Variants in KCND2 observed in about 807,000 individuals in gnomAD.
KCND2 encodes the protein A-type voltage-gated potassium channel KCND2.
Under a neutral mutation model 54.4 loss-of-function variants are expected in KCND2, and 16 were observed. The ratio of observed to expected loss-of-function variants is 0.29; its 90% CI spans 0.20 to 0.45. KCND2 has a LOEUF of 0.45. Among genes scored for constraint, KCND2 ranks in the 20% least tolerant of loss-of-function variants. The probability of loss-of-function intolerance (pLI) is 1.00; values close to 1 mark genes in which losing one functional copy is unlikely to be tolerated. For missense variants in KCND2, 486 were observed against 824.2 expected, an observed-to-expected ratio of 0.59 and a Z score of 5.02; for synonymous variants, 317 against 310.7, an observed-to-expected ratio of 1.02 and a Z score of -0.21.
chr7:120,313,968 A>G (rs1188507762), intron 1 of KCND2, among the ~76,000 whole-genome samples: 2 of 152,030 alleles, frequency 1.3e-5, no homozygotes, highest in East Asian at 1.9e-4. Flanking sequence ...AAAAAAAGCC[A>G]ACATCATCTG....
At position 120,275,547 on chromosome 7, in the gene KCND2, C is replaced by T. The variant is rs373648123; in HGVS notation, c.915C>T (p.Arg305=). 1 of 1,613,056 alleles carries T rather than the reference C, an allele frequency of 6.2e-7. No homozygotes were observed. Among genetic ancestry groups the T allele is most frequent in the Non-Finnish European group, 8.5e-7 (1 of 1,179,328 alleles). ...FRVFRIFKFS[R]HSQGLRILGY... is the part of the protein sequence containing the mutation. ...TCTTCAGGATCTTTAAGTTTTCCCG[C>T]CACTCTCAAGGCCTGCGCATCCTGG... Residue 305 remains arginine, a synonymous_variant, in exon 1 of 6, where the codon CGC becomes CGT. Transcript: ENST00000331113.
Position 120,391,312 on chromosome 7 carries a change from A to G in KCND2, c.1115+115565A>G, listed in dbSNP as rs191446408. On this transcript the variant is annotated intron_variant, in intron 1 of 5. Coordinates refer to ENST00000331113, the MANE Select transcript of KCND2 (RefSeq NM_012281.3). ...GTGCCACACTTGCTTTATCCAGTCT[A>G]TCATTGATGGGAATTTGGGTTGGTT... 1.9e-4 allele frequency among the ~76,000 whole-genome samples: 29 copies of G among 152,224 alleles called. No homozygotes were observed. In the South Asian group the frequency reaches 2.5e-3, roughly 13 times the overall value.
intron 1 of KCND2, among the ~76,000 whole-genome samples, chr7:120,572,658 C>T (rs1430828150): frequency 6.6e-6 from 1 of 152,124 alleles, no homozygotes; most frequent in African/African-American, 2.4e-5. Context: ...GCTGGAATTA[C>T]AGGTGTGAGC....
chr7:120,281,360 G>A (rs1489406214), intron 1 of KCND2, among the ~76,000 whole-genome samples: 1 of 149,788 alleles, frequency 6.7e-6, no homozygotes, highest in Non-Finnish European at 1.5e-5. Context: ...ACATATGTAT[G>A]TATAAGCATT....
chr7:120,310,859 C>T (rs1325049385), intron 1 of KCND2, among the ~76,000 whole-genome samples: 1 of 150,252 alleles, frequency 6.7e-6, no homozygotes, highest in Non-Finnish European at 1.5e-5. Flanking sequence ...TCACTTGTAC[C>T]TGGGAGTTGG....
At chr7:120,469,678 T>TGGACTG (rs1802425867) in intron 1 of KCND2, among the ~76,000 whole-genome samples, 1 of 152,144 alleles carries the variant, frequency 6.6e-6, no homozygotes, top group Admixed American at 6.6e-5. Flanking sequence ...TTAGCAGCCC[T>TGGACTG]GGACTGTGAC....
Position 120,283,918 on chromosome 7 carries a change from C to T in KCND2, c.1115+8171C>T, listed in dbSNP as rs73722547. On this transcript the variant is annotated intron_variant, in intron 1 of 5. Coordinates refer to ENST00000331113, the MANE Select transcript of KCND2 (RefSeq NM_012281.3). Reference sequence around the variant, plus strand: ...TTGCCATAGGATATGTATTTTTCAACACAAATTAAATTGAGACCATGTTTA... The same window carrying T: ...TTGCCATAGGATATGTATTTTTCAATACAAATTAAATTGAGACCATGTTTA... Among the ~76,000 whole-genome samples, 681 of 152,106 alleles carry T rather than the reference C, an allele frequency of 4.5e-3. 7 individuals are homozygous for T. Among genetic ancestry groups the T allele is most frequent in the African/African-American group, 0.016 (646 of 41,494 alleles).
chr7:120,646,643 A>G (rs889873147), intron 1 of KCND2, among the ~76,000 whole-genome samples: 2 of 152,252 alleles, frequency 1.3e-5, no homozygotes, highest in Admixed American at 1.3e-4. Flanking sequence ...AAGGGGAAGA[A>G]AGAAAAATGA....
At chr7:120,507,218 A>G (rs1318420424) in intron 1 of KCND2, among the ~76,000 whole-genome samples, 1 of 151,608 alleles carries the variant, frequency 6.6e-6, no homozygotes, top group East Asian at 1.9e-4. Context: ...TCAAAAGGAT[A>G]GCAGGATGGA....
chr7:120,717,250 C>A (rs537636945), intron 1 of KCND2, among the ~76,000 whole-genome samples: 8 of 151,976 alleles, frequency 5.3e-5, no homozygotes, highest in Admixed American at 1.3e-4. Context: ...GAAACCATGA[C>A]GATGTCAATG....
At chr7:120,450,574 T>C (rs1802087699) in intron 1 of KCND2, among the ~76,000 whole-genome samples, 1 of 152,124 alleles carries the variant, frequency 6.6e-6, no homozygotes. Context: ...GGAAAGACAC[T>C]AAACAACTAT....
chr7:120,731,453 AGGCCAGATGGCCAGTGT>A (rs1485517194), intron 1 of KCND2, among the ~76,000 whole-genome samples: 1 of 152,176 alleles, frequency 6.6e-6, no homozygotes, highest in Non-Finnish European at 1.5e-5. Flanking sequence ...ACAAAACAGA[AGGCCAGATGGCCAGTGT>A]GGCCAGAGGC....
intron 5 of KCND2, among the ~76,000 whole-genome samples, chr7:120,746,298 C>T (rs192337280): frequency 6.6e-6 from 1 of 152,262 alleles, no homozygotes; most frequent in South Asian, 2.1e-4. Context: ...TGTTCCACAA[C>T]CTTTTCTTAT....
At chr7:120,598,079 A>T (rs912168334) in intron 1 of KCND2, among the ~76,000 whole-genome samples, 2 of 144,834 alleles carry the variant, frequency 1.4e-5, no homozygotes, top group Non-Finnish European at 3.0e-5. Context: ...CAAAAAAACT[A>T]AAAAAAAAAA....
chr7:120,401,119 T>C (rs1422006803), intron 1 of KCND2, among the ~76,000 whole-genome samples: 4 of 152,058 alleles, frequency 2.6e-5, no homozygotes, highest in African/African-American at 9.7e-5. Flanking sequence ...GATCCAGTGT[T>C]CCAATTGGAC....
chr7:120,684,118 G>A (rs1337256191), intron 1 of KCND2, among the ~76,000 whole-genome samples: 3 of 152,026 alleles, frequency 2.0e-5, no homozygotes, highest in East Asian at 3.9e-4. Flanking sequence ...AAAGGGATAC[G>A]GCTGACTACA....
At chr7:120,337,066 A>G (rs1407457494) in intron 1 of KCND2, among the ~76,000 whole-genome samples, 1 of 152,068 alleles carries the variant, frequency 6.6e-6, no homozygotes, top group Non-Finnish European at 1.5e-5. Context: ...AAATAATAGA[A>G]GCCTCTCCAC....
rs573743083 is a variant in KCND2, at chr7:120,281,466, G to A, written c.1115+5719G>A. Reference sequence around the variant, plus strand: ...AACCCCAGGGTGAAACACCATTTTTGTGCATATTTGCACTGCTCTTTGAAT... The same window carrying A: ...AACCCCAGGGTGAAACACCATTTTTATGCATATTTGCACTGCTCTTTGAAT... On this transcript the variant is annotated intron_variant, in intron 1 of 5. Transcript: ENST00000331113. Among the ~76,000 whole-genome samples the A allele has an allele frequency of 1.0e-4, 15 of 148,798 alleles. No homozygotes were observed. The South Asian group carries it at 3.2e-3, about 31-fold the overall frequency.
At chr7:120,735,267 G>A (rs1792856027) in intron 2 of KCND2, among the ~76,000 whole-genome samples, 1 of 151,906 alleles carries the variant, frequency 6.6e-6, no homozygotes, top group Admixed American at 6.6e-5. Flanking sequence ...GAGGTAAAGG[G>A]ATTTCAGCCA....
Sources: gnomAD v4.1 joint callset for allele counts (sites outside exome capture counted in the v4.1 genomes callset) on GRCh38, gnomAD v4.1.1 for gene constraint, MANE v1.5 for transcripts, NCBI Gene and HGNC (gene_info 2026-07-23, HGNC 2026-07-21) for gene names.